Variants in MAPRE2 observed in about 807,000 individuals in gnomAD.
MAPRE2 encodes microtubule associated protein RP/EB family member 2, also known as microtubule-associated protein RP/EB family member 2.
In MAPRE2, 13 loss-of-function variants were observed where a neutral mutation model predicts 43.2. The observed-to-expected ratio is 0.30, with a 90% CI of 0.20 to 0.48. The LOEUF is 0.48. Ranked by LOEUF, MAPRE2 falls within the 20% of genes least tolerant of loss-of-function variation. The pLI is 0.99. For missense variants in MAPRE2, 161 were observed against 400.2 expected, an observed-to-expected ratio of 0.40 and a Z score of 5.10; for synonymous variants, 135 against 148.8, an observed-to-expected ratio of 0.91 and a Z score of 0.68.
intron 4 of MAPRE2, among the ~76,000 whole-genome samples, chr18:35,115,888 C>G (rs1365297404): frequency 6.6e-6 from 1 of 152,144 alleles, no homozygotes; most frequent in Non-Finnish European, 1.5e-5. Flanking sequence ...CTTACCAGTT[C>G]CTACTTTTTG....
chr18:35,135,213 A>G (rs1910332719), intron 6 of MAPRE2, among the ~76,000 whole-genome samples: 1 of 152,224 alleles, frequency 6.6e-6, no homozygotes, highest in Non-Finnish European at 1.5e-5. Flanking sequence ...GATCTGGAAT[A>G]TGCCAGGTGT....
chr18:34,992,285 CAAA>C (rs2150575021), intron 1 of MAPRE2, among the ~76,000 whole-genome samples: 1 of 152,262 alleles, frequency 6.6e-6, no homozygotes, highest in African/African-American at 2.4e-5. Context: ...TGAAGTAAGA[CAAA>C]GAATGGTTGT....
intron 1 of MAPRE2, among the ~76,000 whole-genome samples, chr18:35,000,474 C>T (rs2097028761): frequency 6.6e-6 from 1 of 152,180 alleles, no homozygotes; most frequent in Non-Finnish European, 1.5e-5. Context: ...CAGTCTTTGC[C>T]AGAGGATGGG....
intron 2 of MAPRE2, among the ~76,000 whole-genome samples, chr18:35,076,808 C>G (rs1907379576): frequency 1.3e-5 from 2 of 152,160 alleles, no homozygotes; most frequent in Admixed American, 1.3e-4. Context: ...TTGGCCACTT[C>G]TTTGGGAGGA....
Position 35,041,831 on chromosome 18 carries a change from C to T in MAPRE2, c.122+170C>T, listed in dbSNP as rs1396272977. 9 of 1,442,940 alleles carry T rather than the reference C, an allele frequency of 6.2e-6. No homozygotes were observed. The Admixed American group carries it at 1.8e-4, about 28-fold the overall frequency. The allele number at this position is 1,442,940 out of a possible 1,614,324, so 89.4% of individuals were successfully genotyped here. A position where few individuals can be genotyped will look rare whatever the true frequency, so the allele number is the denominator to read the frequency against. ...GTTTCCATGTGTCATGTTGGGTTTGCATTGAGGCTCCGCGACTGCAGATGG... is the reference window on the plus strand; with the variant it reads ...GTTTCCATGTGTCATGTTGGGTTTGTATTGAGGCTCCGCGACTGCAGATGG... On this transcript the variant is annotated intron_variant, in intron 1 of 6. Coordinates refer to ENST00000300249, the MANE Select transcript of MAPRE2 (RefSeq NM_014268.4).
At chr18:35,136,538 T>G (rs1486784396) in intron 6 of MAPRE2, among the ~76,000 whole-genome samples, 1 of 152,204 alleles carries the variant, frequency 6.6e-6, no homozygotes, top group East Asian at 1.9e-4. Flanking sequence ...ACGCAGAGAC[T>G]TCACAGCGAA....
intron 2 of MAPRE2, among the ~76,000 whole-genome samples, chr18:35,009,678 C>T (rs1386908750): frequency 4.6e-5 from 7 of 152,154 alleles, no homozygotes; most frequent in Admixed American, 1.3e-4. Flanking sequence ...TGAGAATGCA[C>T]GGAGGATAGG....
intron 1 of MAPRE2, chr18:35,041,902 C>A (rs1161667390): frequency 3.4e-6 from 3 of 876,908 alleles, no homozygotes; most frequent in Non-Finnish European, 5.0e-6. Context: ...GGTCTCCCTC[C>A]ATCTCTTTCC....
intron 4 of MAPRE2, among the ~76,000 whole-genome samples, chr18:35,119,990 G>T (rs1384834743): frequency 2.0e-5 from 3 of 152,130 alleles, no homozygotes; most frequent in African/African-American, 4.8e-5. Context: ...CCTTGTGTAA[G>T]CATTTTCCAT....
intron 1 of MAPRE2, 78 bp from the exon 2 acceptor site, chr18:35,070,117 A>G: frequency 7.5e-7 from 1 of 1,339,264 alleles, no homozygotes; most frequent in Non-Finnish European, 1.0e-6. Flanking sequence ...TCCTGCCAGG[A>G]TCTTGACCTC....
chr18:35,005,429 C>G, intron 1 of MAPRE2: 1 of 1,035,880 alleles, frequency 9.7e-7, no homozygotes, highest in Non-Finnish European at 1.4e-6. Context: ...TAACTCTTTG[C>G]TTCCATATTT....
At chr18:34,993,194 T>A (rs2097024648) in intron 1 of MAPRE2, among the ~76,000 whole-genome samples, 1 of 150,802 alleles carries the variant, frequency 6.6e-6, no homozygotes, top group South Asian at 2.1e-4. Flanking sequence ...AGCTTCAAAC[T>A]CCCGGGCTCA....
At chr18:34,985,046 A>AT (rs2097018732) in intron 1 of MAPRE2, among the ~76,000 whole-genome samples, 1 of 53,366 alleles carries the variant, frequency 1.9e-5, no homozygotes, top group African/African-American at 7.8e-5. Flanking sequence ...TAATATATAA[A>AT]ATATATTATA....
chr18:35,036,442 C>T (rs2150595225), upstream of MAPRE2, among the ~76,000 whole-genome samples: 1 of 152,232 alleles, frequency 6.6e-6, no homozygotes, highest in Non-Finnish European at 1.5e-5. Context: ...GGTTCCAGGT[C>T]ACCTTCAGAA....
At chr18:35,095,885 A>G (rs780631093) in intron 2 of MAPRE2, among the ~76,000 whole-genome samples, 23 of 151,894 alleles carry the variant, frequency 1.5e-4, no homozygotes, top group Non-Finnish European at 1.5e-4. Flanking sequence ...CTTCTCTTTA[A>G]GAGAACCCAT....
At position 35,006,153 on chromosome 18, in the gene MAPRE2, C is replaced by A. The variant is rs78719144; in HGVS notation, c.-8+600C>A. 6.2e-3 allele frequency among the ~76,000 whole-genome samples: 943 copies of A among 152,236 alleles called. 7 individuals are homozygous for A. Among genetic ancestry groups the A allele is most frequent in the African/African-American group, 0.021 (880 of 41,538 alleles). ...TCCAGGAGCCCTTAGAACAAAGGAA[C>A]AATTAACTGAAATTCCACCAGATGG... On this transcript the variant is annotated intron_variant, in intron 2 of 7. Transcript: ENST00000413393.
chr18:35,080,604 C>A (rs946123051), intron 2 of MAPRE2, among the ~76,000 whole-genome samples: 2 of 152,216 alleles, frequency 1.3e-5, no homozygotes, highest in Non-Finnish European at 2.9e-5. Flanking sequence ...TCTCCAAATT[C>A]TTCTGCTCTT....
intron 4 of MAPRE2, among the ~76,000 whole-genome samples, chr18:35,104,107 C>A (rs946188709): frequency 1.3e-5 from 2 of 151,970 alleles, no homozygotes; most frequent in Non-Finnish European, 2.9e-5. Flanking sequence ...GAACAAAAAC[C>A]GTAGGAAATT....
At position 35,091,152 on chromosome 18, in the gene MAPRE2, C is replaced by A. The variant is rs75075779; in HGVS notation, c.251-6294C>A. Among the ~76,000 whole-genome samples the A allele has an allele frequency of 9.6e-3, 1,468 of 152,260 alleles. 27 individuals are homozygous for A. The highest frequency in any genetic ancestry group is 0.033 in the African/African-American group (1,383 of 41,556). The stretch of plus-strand genomic sequence containing the variant: ...TCCATACAGGTTAAGTATCTCTAAT[C>A]CAAAAATCATAATGCTTCAAGATCT... On this transcript the variant is annotated intron_variant, in intron 2 of 6. Coordinates refer to ENST00000300249, the MANE Select transcript of MAPRE2 (RefSeq NM_014268.4).
Sources: allele counts gnomAD v4.1 joint callset (sites outside exome capture counted in the v4.1 genomes callset), GRCh38; gene constraint gnomAD v4.1.1; transcripts MANE v1.5; gene names NCBI Gene and HGNC (gene_info 2026-07-23, HGNC 2026-07-21).